NTM: variants seen among roughly 807,000 people sequenced by gnomAD.
The protein encoded by NTM is neurotrimin.
NTM carries 13 observed loss-of-function variants against 42.1 expected under a neutral mutation model. The observed-to-expected ratio is 0.31, with a 90% CI of 0.20 to 0.49. The LOEUF (loss-of-function observed/expected upper bound fraction) is 0.49, where lower values mean the gene tolerates loss of function less well. NTM is among the 20% of genes least tolerant of loss of function. The pLI is 0.99. For missense variants in NTM, 373 were observed against 452.8 expected (o/e 0.82, Z 1.60); for synonymous variants, 187 against 179.2 (o/e 1.04, Z -0.35).
chr11:131,548,458 T>A (rs575236755), intron 1 of NTM, among the ~76,000 whole-genome samples: 2 of 152,296 alleles, frequency 1.3e-5, no homozygotes, highest in African/African-American at 4.8e-5. Context: ...TATTCAGAGT[T>A]CTTTCTTCTC....
At position 132,070,441 on chromosome 11, in the gene NTM, T is replaced by C. The variant is rs1184051882; in HGVS notation, c.168-75841T>C. Among the ~76,000 whole-genome samples the C allele has an allele frequency of 3.3e-5, 4 of 122,308 alleles. 1 individual carries two copies. Among genetic ancestry groups the C allele is most frequent in the African/African-American group, 1.3e-4 (4 of 31,160 alleles). The allele number at this position is 122,308 out of a possible 152,430, so 80.2% of individuals were successfully genotyped here. A position where few individuals can be genotyped will look rare whatever the true frequency, so the allele number is the denominator to read the frequency against. On this transcript the variant is annotated intron_variant, in intron 2 of 8. Transcript: ENST00000683400. ...TGACCGTCACAGGTTAGTTAACACG[T>C]CACACAGCCAAGTTAACACATCACA...
intron 4 of NTM, among the ~76,000 whole-genome samples, chr11:132,280,834 GTGGT>G (rs57007102): frequency 0.33 from 50,251 of 151,532 alleles, 8,577 homozygotes; most frequent in African/African-American, 0.38. Flanking sequence ...TCATTTGTTT[GTGGT>G]TCTGTAAACC....
intron 5 of NTM, 132 bp from the exon 6 acceptor site, chr11:132,309,980 C>T (rs185897357): frequency 1.5e-4 from 163 of 1,106,794 alleles, no homozygotes; most frequent in Admixed American, 7.2e-4. Flanking sequence ...TGCTTGAACC[C>T]GGGAGGCAGA....
intron 7 of NTM, among the ~76,000 whole-genome samples, chr11:132,325,226 A>T (rs1018348253): frequency 3.3e-5 from 5 of 151,620 alleles, no homozygotes; most frequent in African/African-American, 1.2e-4. Context: ...CATCAGAGTG[A>T]ACAGGCAACC....
chr11:131,410,467 T>G (rs531195305), intron 1 of NTM, among the ~76,000 whole-genome samples: 1 of 129,728 alleles, frequency 7.7e-6, no homozygotes, highest in Non-Finnish European at 1.5e-5. Flanking sequence ...CACTCCAGCC[T>G]AGGTGACAGA....
chr11:131,682,575 C>T (rs2073139203), intron 1 of NTM, among the ~76,000 whole-genome samples: 1 of 152,210 alleles, frequency 6.6e-6, no homozygotes, highest in Non-Finnish European at 1.5e-5. Context: ...GGGAGCCTGC[C>T]GGCCTTAAAC....
intron 2 of NTM, among the ~76,000 whole-genome samples, chr11:131,995,924 G>T (rs1188946829): frequency 1.3e-5 from 2 of 152,174 alleles, no homozygotes; most frequent in African/African-American, 4.8e-5. Flanking sequence ...CTCATTGTCT[G>T]CATGTGGTGA....
At position 132,146,773 on chromosome 11, in the gene NTM, C is replaced by T. The variant is rs2070503868; in HGVS notation, c.400+259C>T. ...AGGAAATTATCTTGTAATTATTGCTCTTCTTGGCTTTTTTCTCCCCTAAGT... is the reference window on the plus strand; with the variant it reads ...AGGAAATTATCTTGTAATTATTGCTTTTCTTGGCTTTTTTCTCCCCTAAGT... On this transcript the variant is annotated intron_variant, in intron 3 of 8. Coordinates refer to ENST00000683400, the MANE Select transcript of NTM (RefSeq NM_001352005.2). This position sits in a 1 kb window ranked among gnomAD's most constrained non-coding sequence, Gnocchi z 4.5. 2 of 430,580 alleles carry T rather than the reference C, an allele frequency of 4.6e-6. No individual in the cohort carries two copies. The highest frequency in any genetic ancestry group is 6.3e-5 in the South Asian group (1 of 15,970). 26.7% of individuals were successfully genotyped at this position (430,580 alleles called of 1,614,324 possible).
intron 1 of NTM, among the ~76,000 whole-genome samples, chr11:131,891,431 A>G (rs2051323040): frequency 6.6e-6 from 1 of 152,194 alleles, no homozygotes; most frequent in Non-Finnish European, 1.5e-5. Flanking sequence ...GTCCAGAAGT[A>G]TGGGGAATCT....
chr11:131,643,303 G>C (rs541310889), intron 1 of NTM, among the ~76,000 whole-genome samples: 1 of 152,232 alleles, frequency 6.6e-6, no homozygotes, highest in Non-Finnish European at 1.5e-5. Flanking sequence ...CCATGTGCCT[G>C]CTTTGTTCTG....
chr11:132,267,253 C>T (rs1459504518), intron 4 of NTM, among the ~76,000 whole-genome samples: 1 of 152,140 alleles, frequency 6.6e-6, no homozygotes, highest in Non-Finnish European at 1.5e-5. Context: ...TTAAAAAATA[C>T]AGTGTAATAT....
At chr11:131,800,506 A>G (rs2092009489) in intron 1 of NTM, among the ~76,000 whole-genome samples, 1 of 152,262 alleles carries the variant, frequency 6.6e-6, no homozygotes, top group South Asian at 2.1e-4. Flanking sequence ...TAGGCTAAAG[A>G]AATTGCATGA....
intron 1 of NTM, among the ~76,000 whole-genome samples, chr11:131,793,084 G>A (rs2091153082): frequency 6.6e-6 from 1 of 152,136 alleles, no homozygotes; most frequent in Non-Finnish European, 1.5e-5. Flanking sequence ...TACTTAGAAG[G>A]GCTTTTTAGT....
chr11:132,198,608 G>C (rs1442504198), intron 3 of NTM, among the ~76,000 whole-genome samples: 1 of 152,194 alleles, frequency 6.6e-6, no homozygotes, highest in African/African-American at 2.4e-5. Flanking sequence ...ATGGCTAGTA[G>C]ATAGTAGATT....
At chr11:131,949,833 T>C (rs938848998) in intron 2 of NTM, among the ~76,000 whole-genome samples, 1 of 152,152 alleles carries the variant, frequency 6.6e-6, no homozygotes, top group African/African-American at 2.4e-5. Flanking sequence ...TGGATGGACA[T>C]TTCCTCTTCC....
chr11:131,507,965 A>T (rs1362380819), intron 1 of NTM, among the ~76,000 whole-genome samples: 1 of 152,198 alleles, frequency 6.6e-6, no homozygotes, highest in Non-Finnish European at 1.5e-5. Flanking sequence ...CATTCAGGAC[A>T]TAGGCACGGG....
chr11:132,173,865 A>G (rs1313390219), intron 3 of NTM, among the ~76,000 whole-genome samples: 1 of 152,190 alleles, frequency 6.6e-6, no homozygotes, highest in African/African-American at 2.4e-5. Flanking sequence ...CACAGCCTAA[A>G]TGGAATTAAC....
intron 2 of NTM, among the ~76,000 whole-genome samples, chr11:131,926,023 A>G (rs1294066876): frequency 3.9e-5 from 6 of 152,118 alleles, no homozygotes; most frequent in Non-Finnish European, 8.8e-5. Flanking sequence ...TACATCTCCT[A>G]TGAGCCAGGA....
intron 1 of NTM, among the ~76,000 whole-genome samples, chr11:131,554,053 A>G (rs1003356492): frequency 6.6e-6 from 1 of 152,156 alleles, no homozygotes; most frequent in Non-Finnish European, 1.5e-5. Context: ...ATCTTCCTCT[A>G]CGAATGCTTC....
Sources: gnomAD v4.1 joint callset for allele counts (sites outside exome capture counted in the v4.1 genomes callset) on GRCh38, gnomAD v4.1.1 for gene constraint, Gnocchi (gnomAD v3.1) non-coding constraint, MANE v1.5 for transcripts, NCBI Gene and HGNC (gene_info 2026-07-23, HGNC 2026-07-21) for gene names.